Variants in CNTNAP3B observed in about 807,000 individuals in gnomAD.
The protein encoded by CNTNAP3B is contactin-associated protein-like 3B.
CNTNAP3B carries 25 observed loss-of-function variants against 108.9 expected under a neutral mutation model. The ratio of observed to expected loss-of-function variants is 0.23; its 90% CI spans 0.17 to 0.32. The LOEUF (loss-of-function observed/expected upper bound fraction) is 0.32, where lower values mean the gene tolerates loss of function less well. Ranked by LOEUF, CNTNAP3B falls within the 10% of genes least tolerant of loss-of-function variation. The pLI, the probability that CNTNAP3B is intolerant of heterozygous loss-of-function variation, is 1.00. For missense variants in CNTNAP3B, 252 were observed against 1,210.4 expected, an observed-to-expected ratio of 0.21 and a Z score of 11.75; for synonymous variants, 103 against 473.4, an observed-to-expected ratio of 0.22 and a Z score of 10.16.
At position 42,108,730 on chromosome 9, in the gene CNTNAP3B, C is replaced by T. The variant is rs569188050; in HGVS notation, c.86-3991G>A. Among the ~76,000 whole-genome samples, 9 of 135,728 alleles carry T rather than the reference C, an allele frequency of 6.6e-5. 2 individuals carry two copies. Among genetic ancestry groups the T allele is most frequent in the Non-Finnish European group, 1.3e-4 (8 of 63,692 alleles). The allele number at this position is 135,728 out of a possible 152,430, so 89.0% of individuals were successfully genotyped here. ...ATTTAGTCTCGGTGATTAGCTCTGC[C>T]TAGGTTCCTCTCTCCCCACTCTATG... On this transcript the variant is annotated intron_variant, in intron 1 of 23. Transcript: ENST00000377561.
intron 15 of CNTNAP3B, among the ~76,000 whole-genome samples, chr9:41,928,522 G>T (rs1823882028): frequency 1.3e-5 from 2 of 152,286 alleles, no homozygotes; most frequent in African/African-American, 4.8e-5. Context: ...TACAGAAACT[G>T]CTTGGTATTA....
chr9:41,958,351 T>C (rs1331132090), intron 12 of CNTNAP3B, among the ~76,000 whole-genome samples: 2 of 152,308 alleles, frequency 1.3e-5, no homozygotes, highest in African/African-American at 2.4e-5. Flanking sequence ...TCTCACTGTG[T>C]TGCCCAGACT....
intron 14 of CNTNAP3B, among the ~76,000 whole-genome samples, chr9:41,932,348 C>T (rs1375141645): frequency 6.6e-6 from 1 of 152,022 alleles, no homozygotes; most frequent in South Asian, 2.1e-4. Context: ...ATTAGAAATT[C>T]CTACGGTTCT....
chr9:41,932,631 TGCCTCA>T (rs1171954676), intron 14 of CNTNAP3B, among the ~76,000 whole-genome samples: 2 of 152,160 alleles, frequency 1.3e-5, no homozygotes, highest in Non-Finnish European at 2.9e-5. Context: ...GCGATTCTCC[TGCCTCA>T]GCCTCCAGAG....
rs990302438 is a variant in CNTNAP3B, at chr9:42,099,450, G to A, written c.196+5179C>T. ...AGCTATAAACATAAGACACTTCTTCGGTTTCATCCATTTTGTAAACTCATT... is the reference window on the plus strand; with the variant it reads ...AGCTATAAACATAAGACACTTCTTCAGTTTCATCCATTTTGTAAACTCATT... On this transcript the variant is annotated intron_variant, in intron 2 of 23. Transcript: ENST00000377561. Among the ~76,000 whole-genome samples the A allele has an allele frequency of 1.4e-4, 19 of 133,974 alleles. 3 individuals carry two copies. Among genetic ancestry groups the A allele is most frequent in the African/African-American group, 2.4e-4 (8 of 33,246 alleles). 87.9% of individuals were successfully genotyped at this position (133,974 alleles called of 152,430 possible).
rs117275332 is a variant in CNTNAP3B at position 41,972,815 on chromosome 9, T to A, written c.1478-2570A>T. 4.9e-3 allele frequency among the ~76,000 whole-genome samples: 674 copies of A among 137,894 alleles called. 105 individuals carry two copies. Among genetic ancestry groups the A allele is most frequent in the Non-Finnish European group, 8.1e-3 (523 of 64,546 alleles). 90.5% of individuals were successfully genotyped at this position (137,894 alleles called of 152,430 possible). A position where few individuals can be genotyped will look rare whatever the true frequency, so the allele number is the denominator to read the frequency against. On this transcript the variant is annotated intron_variant, in intron 9 of 23. Coordinates refer to ENST00000377561, the MANE Select transcript of CNTNAP3B (RefSeq NM_001201380.3). ...ACTAATCATTAAGAAATAAACACAT[T>A]AAGAATTAAGAGGATTATTAATTCA...
chr9:41,917,206 G>A (rs1466247132), intron 18 of CNTNAP3B, among the ~76,000 whole-genome samples: 3 of 151,528 alleles, frequency 2.0e-5, no homozygotes, highest in African/African-American at 7.3e-5. Context: ...CTGATGATCT[G>A]TTTATTTTTT....
intron 3 of CNTNAP3B, among the ~76,000 whole-genome samples, chr9:42,059,762 GT>G (rs1827138586): frequency 1.5e-5 from 1 of 66,188 alleles, no homozygotes; most frequent in Non-Finnish European, 3.3e-5. Flanking sequence ...CCAGCTCATT[GT>G]TTATTTTTTT....
At chr9:41,930,908 G>C (rs891879415) in intron 14 of CNTNAP3B, among the ~76,000 whole-genome samples, 3 of 152,154 alleles carry the variant, frequency 2.0e-5, no homozygotes, top group Admixed American at 1.3e-4. Flanking sequence ...CAATAATATT[G>C]CATATATGCA....
At chr9:41,982,988 T>C (rs932483545) in intron 9 of CNTNAP3B, among the ~76,000 whole-genome samples, 1 of 126,606 alleles carries the variant, frequency 7.9e-6, no homozygotes, top group Non-Finnish European at 1.6e-5. Context: ...GAGCTTAGTA[T>C]TGAGTACCCA....
intron 3 of CNTNAP3B, among the ~76,000 whole-genome samples, chr9:42,014,444 C>G (rs1338391450): frequency 1.1e-5 from 1 of 91,290 alleles, no homozygotes; most frequent in African/African-American, 4.1e-5. Flanking sequence ...GCAGTTAGTT[C>G]AACCAAGAAT....
At chr9:41,924,645 GCACACA>G (rs200851620) in intron 15 of CNTNAP3B, among the ~76,000 whole-genome samples, 7,111 of 134,584 alleles carry the variant, frequency 0.053, 19 homozygotes, top group Admixed American at 0.11. Flanking sequence ...TTTCCTTCCT[GCACACA>G]CACACACACA....
intron 7 of CNTNAP3B, among the ~76,000 whole-genome samples, chr9:41,992,586 TTTTC>T (rs1407173091): frequency 1.3e-5 from 2 of 151,128 alleles, no homozygotes; most frequent in Non-Finnish European, 2.9e-5. Flanking sequence ...ACCTCATAGA[TTTTC>T]TTTAAGATTG....
intron 13 of CNTNAP3B, among the ~76,000 whole-genome samples, chr9:41,951,835 G>C (rs1258792273): frequency 6.6e-6 from 1 of 152,234 alleles, no homozygotes; most frequent in African/African-American, 2.4e-5. Flanking sequence ...CCAACACTTT[G>C]GGAGGCTGAG....
chr9:41,939,312 T>G (rs1424080934), intron 13 of CNTNAP3B, among the ~76,000 whole-genome samples: 1 of 152,310 alleles, frequency 6.6e-6, no homozygotes, highest in South Asian at 2.1e-4. Flanking sequence ...AACCAGTTTT[T>G]TAAACATGCT....
At position 42,091,978 on chromosome 9, in the gene CNTNAP3B, G is replaced by A. The variant is rs1286411513; in HGVS notation, c.196+12651C>T. Among the ~76,000 whole-genome samples, 7 of 119,122 alleles carry A rather than the reference G, an allele frequency of 5.9e-5. 1 individual carries two copies. Among genetic ancestry groups the A allele is most frequent in the African/African-American group, 2.4e-4 (7 of 29,290 alleles). The allele number at this position is 119,122 out of a possible 152,430, so 78.1% of individuals were successfully genotyped here. The stretch of plus-strand genomic sequence containing the variant: ...TTTTAAAAAATCTGACTTTTTTCTG[G>A]TTTATTTTCCTTTTTAATTTTTAAT... On this transcript the variant is annotated intron_variant, in intron 2 of 23. Coordinates refer to ENST00000377561, the MANE Select transcript of CNTNAP3B (RefSeq NM_001201380.3).
intron 14 of CNTNAP3B, among the ~76,000 whole-genome samples, chr9:41,937,073 T>C (rs1377230407): frequency 7.0e-6 from 1 of 143,024 alleles, no homozygotes; most frequent in Admixed American, 6.9e-5. Flanking sequence ...AAATCAATTA[T>C]ACTGACACCT....
Position 41,983,917 on chromosome 9 carries a change from G to T in CNTNAP3B, c.1477+2251C>A, listed in dbSNP as rs1825679118. Among the ~76,000 whole-genome samples, 2 of 98,570 alleles carry T rather than the reference G, an allele frequency of 2.0e-5. 1 individual carries two copies. The highest frequency in any genetic ancestry group is 2.1e-4 in the Admixed American group (2 of 9,444). The allele number at this position is 98,570 out of a possible 152,430, so 64.7% of individuals were successfully genotyped here. ...TACAAAAAATTAGCCAGATGTGATGGTGGGTGCCTGTAGTCCCAGCTACTC... is the reference window on the plus strand; with the variant it reads ...TACAAAAAATTAGCCAGATGTGATGTTGGGTGCCTGTAGTCCCAGCTACTC... On this transcript the variant is annotated intron_variant, in intron 9 of 23. Coordinates refer to ENST00000377561, the MANE Select transcript of CNTNAP3B (RefSeq NM_001201380.3).
intron 3 of CNTNAP3B, among the ~76,000 whole-genome samples, chr9:42,032,728 C>T (rs1361196143): frequency 1.6e-5 from 2 of 125,746 alleles, no homozygotes; most frequent in Admixed American, 8.2e-5. Flanking sequence ...TAACAAAATA[C>T]TGCAGACTGG....
Sources: allele counts gnomAD v4.1 joint callset (sites outside exome capture counted in the v4.1 genomes callset), GRCh38; gene constraint gnomAD v4.1.1; transcripts MANE v1.5; gene names NCBI Gene and HGNC (gene_info 2026-07-23, HGNC 2026-07-21).